Variants in TTC9 observed in about 807,000 individuals in gnomAD.
The protein encoded by TTC9 is tetratricopeptide repeat protein 9A.
TTC9 carries 13 observed loss-of-function variants against 22.9 expected under a neutral mutation model. The ratio of observed to expected loss-of-function variants is 0.57; its 90% CI spans 0.37 to 0.90. The LOEUF (loss-of-function observed/expected upper bound fraction) is 0.90. Ranked by LOEUF, TTC9 falls within the 40% of genes least tolerant of loss-of-function variation. The probability of loss-of-function intolerance (pLI) is 0.01; values close to 1 mark genes in which losing one functional copy is unlikely to be tolerated. For synonymous variants in TTC9, 148 were observed against 133.2 expected (o/e 1.11, Z -0.77); for missense variants, 280 against 291.8 (o/e 0.96, Z 0.29).
chr14:70,650,422 C>CA (rs5809492), intron 1 of TTC9, among the ~76,000 whole-genome samples: 63,341 of 145,372 alleles, frequency 0.44, 14,291 homozygotes, highest in East Asian at 0.56. Context: ...GACACCATCT[C>CA]AAAAAAAAAA....
At chr14:70,658,651 C>G (rs939357562) in intron 1 of TTC9, among the ~76,000 whole-genome samples, 1 of 151,818 alleles carries the variant, frequency 6.6e-6, no homozygotes, top group African/African-American at 2.4e-5. Flanking sequence ...CAAAAAAAAA[C>G]TGAAGCCAAC....
chr14:70,653,334 A>G (rs1886012721), intron 1 of TTC9, among the ~76,000 whole-genome samples: 1 of 152,116 alleles, frequency 6.6e-6, no homozygotes, highest in East Asian at 1.9e-4. Context: ...AGGACAAAAC[A>G]GGGGCCAGGG....
chr14:70,665,503 C>G (rs1269374388), intron 1 of TTC9, among the ~76,000 whole-genome samples: 2 of 152,174 alleles, frequency 1.3e-5, no homozygotes, highest in Admixed American at 6.5e-5. Context: ...GAAGGACCCC[C>G]TGGTGCACCA....
intron 1 of TTC9, among the ~76,000 whole-genome samples, chr14:70,647,035 GAC>G: frequency 6.6e-6 from 1 of 152,256 alleles, no homozygotes; most frequent in Non-Finnish European, 1.5e-5. Context: ...CTCTTGACTT[GAC>G]ATGGTGTTTT....
chr14:70,646,558 C>T (rs1323156884), intron 1 of TTC9, among the ~76,000 whole-genome samples: 5 of 152,176 alleles, frequency 3.3e-5, no homozygotes, highest in East Asian at 1.9e-4. Flanking sequence ...GTTCAAGGCT[C>T]GAATGCCAGC....
intron 1 of TTC9, among the ~76,000 whole-genome samples, chr14:70,648,896 T>C (rs1885940394): frequency 6.6e-6 from 1 of 152,194 alleles, no homozygotes; most frequent in African/African-American, 2.4e-5. Context: ...CTAACTGTGG[T>C]ATTTATATGG....
chr14:70,666,106 C>T (rs531411581), intron 1 of TTC9, among the ~76,000 whole-genome samples: 3 of 152,006 alleles, frequency 2.0e-5, no homozygotes, highest in African/African-American at 7.2e-5. Context: ...TAAATGGAGG[C>T]GAGGTGGCTC....
Position 70,667,655 on chromosome 14 carries a change from C to T in TTC9, c.498C>T (p.Ala166=), listed in dbSNP as rs1594741740. Residue 166 remains alanine, a synonymous_variant, in exon 2 of 3, where the codon GCC becomes GCT. Coordinates refer to ENST00000256367, the MANE Select transcript of TTC9 (RefSeq NM_015351.2). Reference sequence around the variant, plus strand: ...AGAAGGAAGGGGAGAACTTCAAGGCCCTTTACCGGTCTGGTGTGGCCTTCT... The same window carrying T: ...AGAAGGAAGGGGAGAACTTCAAGGCTCTTTACCGGTCTGGTGTGGCCTTCT... The part of the protein sequence containing the change: ...VLKKEGENFK[A]LYRSGVAFYH... 6.2e-7 allele frequency: 1 copy of T among 1,613,940 alleles called. No homozygotes were observed. The highest frequency in any genetic ancestry group is 1.3e-5 in the African/African-American group (1 of 74,996).
At chr14:70,664,587 A>C (rs1012525754) in intron 1 of TTC9, among the ~76,000 whole-genome samples, 5 of 152,088 alleles carry the variant, frequency 3.3e-5, no homozygotes, top group Admixed American at 2.0e-4. Context: ...TTAGCTAGGC[A>C]TGGTGGCGGG....
intron 1 of TTC9, among the ~76,000 whole-genome samples, chr14:70,654,873 C>T (rs1847412919): frequency 6.6e-6 from 1 of 152,140 alleles, no homozygotes; most frequent in African/African-American, 2.4e-5. Flanking sequence ...TGATACTTAA[C>T]AGCTCTGCAT....
chr14:70,657,353 A>G (rs928232909), intron 1 of TTC9, among the ~76,000 whole-genome samples: 1 of 152,184 alleles, frequency 6.6e-6, no homozygotes, highest in African/African-American at 2.4e-5. Flanking sequence ...TAGTGATCCC[A>G]AAGGTGGGGC....
chr14:70,646,900 C>T (rs1007040218), intron 1 of TTC9, among the ~76,000 whole-genome samples: 1 of 152,148 alleles, frequency 6.6e-6, no homozygotes, highest in Non-Finnish European at 1.5e-5. Context: ...GGATCAGAGC[C>T]AGCCACATAA....
chr14:70,647,240 C>T (rs1490891412), intron 1 of TTC9, among the ~76,000 whole-genome samples: 1 of 152,162 alleles, frequency 6.6e-6, no homozygotes, highest in African/African-American at 2.4e-5. Flanking sequence ...TTTATTCTTA[C>T]TAGAACAGTG....
intron 1 of TTC9, among the ~76,000 whole-genome samples, chr14:70,655,825 ATAG>A (rs1372042909): frequency 6.6e-6 from 1 of 152,198 alleles, no homozygotes; most frequent in Non-Finnish European, 1.5e-5. Flanking sequence ...CAAAAATTGA[ATAG>A]TAGAAATTCT....
intron 1 of TTC9, among the ~76,000 whole-genome samples, chr14:70,664,090 G>A (rs1886180313): frequency 6.6e-6 from 1 of 152,088 alleles, no homozygotes; most frequent in African/African-American, 2.4e-5. Flanking sequence ...TGTATGTGAA[G>A]TATTTAGCAC....
At chr14:70,669,898 T>A (rs1439963438) in intron 2 of TTC9, among the ~76,000 whole-genome samples, 1 of 152,180 alleles carries the variant, frequency 6.6e-6, no homozygotes. Flanking sequence ...CTGTCACTCT[T>A]ATGTTATGGT....
rs548751532 is a variant in TTC9, at chr14:70,643,721, A to T, written c.406+1186A>T. 7.2e-5 allele frequency among the ~76,000 whole-genome samples: 11 copies of T among 152,266 alleles called. No homozygotes were observed. The South Asian group carries it at 2.3e-3, about 32-fold the overall frequency. Reference sequence around the variant, plus strand: ...AATTCTGCTCGGTTCTTAAATGCAGATCTCTCTGTTCCCTCTGAGGTTTCT... The same window carrying T: ...AATTCTGCTCGGTTCTTAAATGCAGTTCTCTCTGTTCCCTCTGAGGTTTCT... On this transcript the variant is annotated intron_variant, in intron 1 of 2. Transcript: ENST00000256367.
Position 70,642,059 on chromosome 14 carries a change from C to T in TTC9, c.-71C>T, listed in dbSNP as rs1025568270. ...GGCCGGCGCCCGCGGCTTTTAAACC[C>T]GGGAAGGCGCGGCGGCGGCGGCGGC... On this transcript the variant is annotated 5_prime_UTR_variant, in exon 1 of 3. Transcript: ENST00000256367. 1.0e-5 allele frequency: 10 copies of T among 992,776 alleles called. No individual in the cohort carries two copies. The highest frequency in any genetic ancestry group is 4.5e-5 in the South Asian group (1 of 21,982). The allele number at this position is 992,776 out of a possible 1,614,324, so 61.5% of individuals were successfully genotyped here.
intron 1 of TTC9, among the ~76,000 whole-genome samples, chr14:70,643,734 C>T (rs1885862952): frequency 1.3e-5 from 2 of 152,206 alleles, no homozygotes; most frequent in African/African-American, 4.8e-5. Context: ...TCTCTGTTCC[C>T]TCTGAGGTTT....
Sources: gnomAD v4.1 joint callset for allele counts (sites outside exome capture counted in the v4.1 genomes callset) on GRCh38, gnomAD v4.1.1 for gene constraint, MANE v1.5 for transcripts, NCBI Gene and HGNC (gene_info 2026-07-23, HGNC 2026-07-21) for gene names.